CALB2: variants seen among roughly 807,000 people sequenced by gnomAD.
CALB2 encodes calretinin.
In CALB2, 34 loss-of-function variants were observed where a neutral mutation model predicts 45.9. That is an observed-to-expected ratio of 0.74 (90% CI 0.56 to 0.99). The LOEUF (loss-of-function observed/expected upper bound fraction) is 0.99, where lower values mean the gene tolerates loss of function less well. Ranked by LOEUF, CALB2 falls within the 50% of genes least tolerant of loss-of-function variation. CALB2 has a pLI of 0.00. For synonymous variants in CALB2, 142 were observed against 129.6 expected (o/e 1.10, Z -0.65); for missense variants, 344 against 339.3 (o/e 1.01, Z -0.11).
intron 3 of CALB2, among the ~76,000 whole-genome samples, 192 bp downstream of exon 3, chr16:71,375,026 GACAA>G (rs1490063638): frequency 4.6e-5 from 7 of 152,156 alleles, no homozygotes; most frequent in African/African-American, 1.7e-4. Context: ...AGAAGGAAGT[GACAA>G]ACAATGGCCA....
intron 2 of CALB2, among the ~76,000 whole-genome samples, chr16:71,374,209 C>T (rs564063888): frequency 1.3e-5 from 2 of 152,262 alleles, no homozygotes; most frequent in African/African-American, 2.4e-5. Context: ...TTTAAATTAC[C>T]CTTCGGCTAC....
Position 71,389,746 on chromosome 16 carries a change from T to C in CALB2, c.700-3T>C. 6.2e-7 allele frequency: 1 copy of C among 1,611,270 alleles called. No homozygotes were observed. The highest frequency in any genetic ancestry group is 8.5e-7 in the Non-Finnish European group (1 of 1,177,716). On this transcript the variant is annotated splice_region_variant and splice_polypyrimidine_tract_variant and intron_variant, in intron 10 of 10. Coordinates refer to ENST00000302628, the MANE Select transcript of CALB2 (RefSeq NM_001740.5). The stretch of plus-strand genomic sequence containing the variant: ...GCTCTTACCCTCTCCCTGTATTTCC[T>C]AGGAAATGAATATTCAACAGCTCAC...
Position 71,380,268 on chromosome 16 carries a change from T to A in CALB2, c.343-2451T>A, listed in dbSNP as rs151190535. 5.7e-3 allele frequency among the ~76,000 whole-genome samples: 853 copies of A among 150,486 alleles called. 7 individuals carry two copies. The highest frequency in any genetic ancestry group is 0.02 in the African/African-American group (801 of 40,970). On this transcript the variant is annotated intron_variant, in intron 4 of 10. Coordinates refer to ENST00000302628, the MANE Select transcript of CALB2 (RefSeq NM_001740.5). ...CAGCTGACAGGATTTCTTTCTTTTC[T>A]TTCTTTCTTCTTTCCTTCCTTTTCT...
At chr16:71,360,965 C>T (rs558436500) in intron 1 of CALB2, among the ~76,000 whole-genome samples, 1 of 152,146 alleles carries the variant, frequency 6.6e-6, no homozygotes, top group Non-Finnish European at 1.5e-5. Context: ...TCCCATTCCC[C>T]CAAAGAAAAG....
intron 3 of CALB2, among the ~76,000 whole-genome samples, chr16:71,377,192 C>T (rs2042426477): frequency 6.6e-6 from 1 of 152,196 alleles, no homozygotes; most frequent in Non-Finnish European, 1.5e-5. Flanking sequence ...TAACTGCATC[C>T]ATTTGAAGTG....
chr16:71,380,292 C>A (rs9935571), intron 4 of CALB2, among the ~76,000 whole-genome samples: 1 of 43,822 alleles, frequency 2.3e-5, no homozygotes, highest in Non-Finnish European at 4.1e-5. Context: ...CCTTCCTTTT[C>A]TTTTTTTTTT....
At chr16:71,382,466 A>G (rs1455066695) in intron 4 of CALB2, among the ~76,000 whole-genome samples, 1 of 152,236 alleles carries the variant, frequency 6.6e-6, no homozygotes, top group Non-Finnish European at 1.5e-5. Flanking sequence ...CCCACTTTCG[A>G]TGGTCAAGAA....
At chr16:71,371,389 C>T (rs1425405496) in intron 1 of CALB2, among the ~76,000 whole-genome samples, 1 of 152,138 alleles carries the variant, frequency 6.6e-6, no homozygotes, top group Non-Finnish European at 1.5e-5. Context: ...TATAGCAAGG[C>T]ACTACAAACT....
chr16:71,373,131 G>A (rs954232672), intron 2 of CALB2, among the ~76,000 whole-genome samples: 7 of 152,278 alleles, frequency 4.6e-5, no homozygotes, highest in East Asian at 1.9e-4. Flanking sequence ...TGTGATTGCC[G>A]TGTCTGGTTC....
chr16:71,369,931 A>C lies in CALB2; in HGVS notation c.95-2222A>C, dbSNP rs185392952. Among the ~76,000 whole-genome samples the C allele has an allele frequency of 2.4e-4, 36 of 152,232 alleles. No homozygotes were observed. In the East Asian group the frequency reaches 6.4e-3, roughly 27 times the overall value. On this transcript the variant is annotated intron_variant, in intron 1 of 10. Transcript: ENST00000302628. ...TCAACTAGACGATGTCTTTTTGCCT[A>C]GAAAGCCCATCTCCCTGTCCCTCAC...
At chr16:71,384,262 C>T in intron 7 of CALB2, 77 bp from the exon 8 acceptor site, 1 of 1,233,486 alleles carries the variant, frequency 8.1e-7, no homozygotes, top group South Asian at 1.2e-5. Flanking sequence ...ACTGCAGGCA[C>T]CGCCTCTGCC....
At chr16:71,370,981 T>G (rs561890510) in intron 1 of CALB2, among the ~76,000 whole-genome samples, 31 of 152,328 alleles carry the variant, frequency 2.0e-4, no homozygotes, top group African/African-American at 7.2e-4. Flanking sequence ...GACCTGGTTC[T>G]GATCACTGCA....
At chr16:71,361,027 G>T (rs1223425598) in intron 1 of CALB2, among the ~76,000 whole-genome samples, 1 of 152,160 alleles carries the variant, frequency 6.6e-6, no homozygotes, top group Non-Finnish European at 1.5e-5. Context: ...CCCAAAATGG[G>T]GTCCTTGGCT....
chr16:71,381,804 A>G (rs1185295422), intron 4 of CALB2, among the ~76,000 whole-genome samples: 2 of 152,006 alleles, frequency 1.3e-5, no homozygotes, highest in African/African-American at 4.8e-5. Context: ...ACTTGAACTC[A>G]GGAGTTTGGA....
At chr16:71,383,479 G>A in intron 6 of CALB2, 35 bp downstream of exon 6, 1 of 1,595,890 alleles carries the variant, frequency 6.3e-7, no homozygotes, top group Non-Finnish European at 8.6e-7. Context: ...CCCCCAGGGT[G>A]CAGGACTTGT....
chr16:71,382,860 G>T, intron 5 of CALB2, 85 bp downstream of exon 5: 2 of 1,235,868 alleles, frequency 1.6e-6, no homozygotes, highest in Non-Finnish European at 2.3e-6. Context: ...TGGATGAGGG[G>T]CATGAGTTTG....
At chr16:71,369,979 C>G (rs1275967549) in intron 1 of CALB2, among the ~76,000 whole-genome samples, 2 of 152,178 alleles carry the variant, frequency 1.3e-5, no homozygotes, top group African/African-American at 4.8e-5. Flanking sequence ...GCCGGCCTCA[C>G]AGGAACCACA....
chr16:71,382,573 T>A, intron 4 of CALB2, 146 bp from the exon 5 acceptor site: 1 of 726,142 alleles, frequency 1.4e-6, no homozygotes, highest in Non-Finnish European at 2.3e-6. Flanking sequence ...CCTTGAAGGG[T>A]CTGGGCTACA....
At chr16:71,384,166 G>A (rs1474970698) in intron 7 of CALB2, 141 bp downstream of exon 7, 46 of 1,047,206 alleles carry the variant, frequency 4.4e-5, no homozygotes, top group South Asian at 3.1e-4. Context: ...AATTGTGACC[G>A]TCAACACCTC....
Sources: gnomAD v4.1 joint callset for allele counts (sites outside exome capture counted in the v4.1 genomes callset) on GRCh38, gnomAD v4.1.1 for gene constraint, MANE v1.5 for transcripts, NCBI Gene and HGNC (gene_info 2026-07-23, HGNC 2026-07-21) for gene names.